The following ETS1 variants were observed in gnomAD, a reference collection of about 807,000 sequenced individuals.
The protein encoded by ETS1 is protein C-ets-1.
A neutral mutation model predicts 58.6 loss-of-function variants in ETS1; 15 were observed. That is an observed-to-expected ratio of 0.26 (90% CI 0.17 to 0.39). The LOEUF (loss-of-function observed/expected upper bound fraction) is 0.39. Ranked by LOEUF, ETS1 falls within the 10% of genes least tolerant of loss-of-function variation. The probability of loss-of-function intolerance (pLI) is 1.00; values close to 1 mark genes in which losing one functional copy is unlikely to be tolerated. For synonymous variants in ETS1, 214 were observed against 218.2 expected, an observed-to-expected ratio of 0.98 and a Z score of 0.17; for missense variants, 417 against 610.5, an observed-to-expected ratio of 0.68 and a Z score of 3.34.
chr11:128,585,106 AGG>A (rs1565421557), intron 1 of ETS1, among the ~76,000 whole-genome samples: 2 of 25,526 alleles, frequency 7.8e-5, no homozygotes, highest in African/African-American at 3.6e-4. Flanking sequence ...AAAGAAAGGA[AGG>A]AAGGAAGGAA....
chr11:128,496,307 C>A (rs921803239), intron 3 of ETS1, among the ~76,000 whole-genome samples: 2 of 151,878 alleles, frequency 1.3e-5, no homozygotes, highest in East Asian at 3.9e-4. Flanking sequence ...AGATGGTAAG[C>A]CAGTTCCAGG....
intron 3 of ETS1, among the ~76,000 whole-genome samples, chr11:128,518,781 G>A (rs1863588841): frequency 6.6e-6 from 1 of 152,242 alleles, no homozygotes; most frequent in African/African-American, 2.4e-5. Context: ...CAAGGACAAA[G>A]CTTCTTCCTA....
intron 2 of ETS1, among the ~76,000 whole-genome samples, chr11:128,562,790 C>T (rs1308479793): frequency 4.6e-5 from 7 of 152,138 alleles, no homozygotes; most frequent in Non-Finnish European, 1.0e-4. Context: ...AGCACCACTT[C>T]CCAGTGCTTC....
chr11:128,536,631 C>T (rs1182539984), intron 3 of ETS1: 1 of 152,140 alleles, frequency 6.6e-6, no homozygotes, highest in Non-Finnish European at 1.5e-5. Flanking sequence ...AGAGGCATAA[C>T]AGCCAAATCA....
intron 3 of ETS1, among the ~76,000 whole-genome samples, chr11:128,517,614 A>T (rs972632466): frequency 1.3e-5 from 2 of 152,222 alleles, no homozygotes; most frequent in African/African-American, 4.8e-5. Context: ...ACAGCCATGG[A>T]TTATTCATTA....
chr11:128,571,470 G>A (rs1396719970), intron 2 of ETS1, among the ~76,000 whole-genome samples: 2 of 121,276 alleles, frequency 1.6e-5, no homozygotes, highest in Admixed American at 1.1e-4. Context: ...GCGAGACTCC[G>A]TCCAGCCTGG....
chr11:128,586,696 C>T (rs1865037250), intron 1 of ETS1, among the ~76,000 whole-genome samples: 1 of 152,218 alleles, frequency 6.6e-6, no homozygotes, highest in African/African-American at 2.4e-5. Flanking sequence ...TGACCCAGCA[C>T]CCTTTTAAGT....
At chr11:128,478,802 G>A (rs1006234171) in intron 8 of ETS1, among the ~76,000 whole-genome samples, 51 of 152,206 alleles carry the variant, frequency 3.4e-4, no homozygotes, top group African/African-American at 1.1e-3. Flanking sequence ...CATCCCAGAC[G>A]TTTTTAATGG....
At chr11:128,540,142 T>C (rs1048163065) in intron 3 of ETS1, among the ~76,000 whole-genome samples, 3 of 151,886 alleles carry the variant, frequency 2.0e-5, no homozygotes, top group African/African-American at 7.3e-5. Flanking sequence ...TGAAACCTTG[T>C]CTCTATTAAA....
chr11:128,545,840 T>C (rs141485288), intron 3 of ETS1, among the ~76,000 whole-genome samples: 92 of 152,344 alleles, frequency 6.0e-4, no homozygotes, highest in African/African-American at 2.2e-3. Context: ...TGTGGCATCA[T>C]GGTGGTTGGT....
intron 8 of ETS1, among the ~76,000 whole-genome samples, chr11:128,479,982 G>A (rs75615392): frequency 0.013 from 2,019 of 151,848 alleles, 20 homozygotes; most frequent in South Asian, 0.022. Context: ...CCTTTGAAGA[G>A]AATGATACTA....
chr11:128,561,469 A>G (rs909710783), intron 2 of ETS1, among the ~76,000 whole-genome samples: 2 of 152,358 alleles, frequency 1.3e-5, no homozygotes, highest in African/African-American at 4.8e-5. Context: ...TTTTTCAAAG[A>G]TATTACATTA....
intron 3 of ETS1, among the ~76,000 whole-genome samples, chr11:128,530,683 G>A (rs1327866468): frequency 3.3e-5 from 5 of 152,132 alleles, no homozygotes; most frequent in Non-Finnish European, 7.3e-5. Context: ...CAGCTGGGTG[G>A]GAAGCTGGCA....
At chr11:128,495,172 A>G (rs1246097044) in intron 3 of ETS1, among the ~76,000 whole-genome samples, 1 of 152,184 alleles carries the variant, frequency 6.6e-6, no homozygotes, top group Admixed American at 6.5e-5. Flanking sequence ...AGCTTGACCT[A>G]AAGTCACAAG....
chr11:128,481,843 G>A (rs763512940), intron 7 of ETS1, among the ~76,000 whole-genome samples: 3 of 152,132 alleles, frequency 2.0e-5, no homozygotes, highest in Admixed American at 6.5e-5. Flanking sequence ...TTAAAGATCC[G>A]GATAAAATGT....
intron 2 of ETS1, among the ~76,000 whole-genome samples, chr11:128,557,651 A>G (rs1199758597): frequency 2.6e-5 from 4 of 152,168 alleles, no homozygotes; most frequent in Non-Finnish European, 5.9e-5. Context: ...ACACTGGCCC[A>G]TCCTCAACTT....
intron 2 of ETS1, among the ~76,000 whole-genome samples, chr11:128,564,781 G>T (rs1342042766): frequency 1.3e-5 from 2 of 152,080 alleles, no homozygotes; most frequent in East Asian, 3.8e-4. Flanking sequence ...ACAGCTTTAG[G>T]CATCTTGTGG....
At chr11:128,547,953 C>T (rs1864156966) in intron 3 of ETS1, among the ~76,000 whole-genome samples, 1 of 151,908 alleles carries the variant, frequency 6.6e-6, no homozygotes, top group Non-Finnish European at 1.5e-5. Context: ...CAGAGTGCAA[C>T]TACATTTCAT....
intron 1 of ETS1, among the ~76,000 whole-genome samples, chr11:128,578,575 A>G (rs2135590566): frequency 6.6e-6 from 1 of 152,338 alleles, no homozygotes; most frequent in East Asian, 1.9e-4. Context: ...ACAGATGGAT[A>G]TTAGAATCAC....
Sources: gnomAD v4.1 joint callset for allele counts (sites outside exome capture counted in the v4.1 genomes callset) on GRCh38, gnomAD v4.1.1 for gene constraint, MANE v1.5 for transcripts, NCBI Gene and HGNC (gene_info 2026-07-23, HGNC 2026-07-21) for gene names.